RUBCN: variants seen among roughly 807,000 people sequenced by gnomAD.
RUBCN encodes the protein rubicon autophagy regulator.
A neutral mutation model predicts 113.2 loss-of-function variants in RUBCN; 74 were observed. The ratio of observed to expected loss-of-function variants is 0.65; its 90% confidence interval spans 0.54 to 0.79. RUBCN has a LOEUF of 0.79. Ranked by LOEUF, RUBCN falls within the 30% of genes least tolerant of loss-of-function variation. RUBCN has a pLI of 0.00. For missense variants in RUBCN, 1,109 were observed against 1,251.7 expected (o/e 0.89, Z 1.72); for synonymous variants, 480 against 490.0 (o/e 0.98, Z 0.27).
At position 197,676,817 on chromosome 3, in the gene RUBCN, G is replaced by T. The variant is rs148961127; in HGVS notation, c.2646+68C>A. On this transcript the variant is annotated intron_variant, in intron 18 of 19. Transcript: ENST00000296343. Reference sequence around the variant, plus strand: ...CTCAAGCTAAGTGGCAAGAACCCCAGGTCCACCCCCCTCCCTGTATCCCTA... The same window carrying T: ...CTCAAGCTAAGTGGCAAGAACCCCATGTCCACCCCCCTCCCTGTATCCCTA... The T allele has an allele frequency of 1.2e-3, 1,872 of 1,611,256 alleles. 36 individuals are homozygous for T. Among genetic ancestry groups the T allele is most frequent in the Non-Finnish European group, 2.1e-4 (251 of 1,179,814 alleles).
At position 197,674,981 on chromosome 3, in the gene RUBCN, G is replaced by A. The variant is rs376311334; in HGVS notation, c.*37C>T. On this transcript the variant is annotated 3_prime_UTR_variant, in exon 20 of 20. Coordinates refer to ENST00000296343, the MANE Select transcript of RUBCN (RefSeq NM_014687.4). Reference sequence around the variant, plus strand: ...AGAGTGGCTCAGTTCTGCAACAGGTGTGACCCGGCCCGGAGGGAGGGCTGC... The same window carrying A: ...AGAGTGGCTCAGTTCTGCAACAGGTATGACCCGGCCCGGAGGGAGGGCTGC... 51 of 1,601,308 alleles carry A rather than the reference G, an allele frequency of 3.2e-5. 1 individual carries two copies. The African/African-American group carries it at 6.0e-4, about 19-fold the overall frequency.
chr3:197,740,133 G>T (rs1728463776), upstream of RUBCN, among the ~76,000 whole-genome samples: 1 of 152,160 alleles, frequency 6.6e-6, no homozygotes, highest in Non-Finnish European at 1.5e-5. Context: ...TACATGTACT[G>T]GATTTTCTTT....
upstream of RUBCN, chr3:197,737,051 T>G: frequency 1.3e-4 from 78 of 598,186 alleles, no homozygotes; most frequent in East Asian, 3.6e-4. Flanking sequence ...CGCCCTCCAA[T>G]CCCAGGCCGC....
intron 2 of RUBCN, among the ~76,000 whole-genome samples, chr3:197,712,063 T>A (rs144209598): frequency 5.8e-4 from 88 of 152,312 alleles, no homozygotes; most frequent in Non-Finnish European, 1.1e-3. Flanking sequence ...AGGTCTTTTT[T>A]TCATTATTGA....
rs370289616 is a variant in RUBCN, at chr3:197,683,330, G to A, written c.1957C>T (p.Pro653Ser). The change falls in exon 13 of 20, where the codon CCG becomes TCG. Residue 653 changes from proline to serine, a missense_variant. Around this residue, in one of 3 missense-constraint regions of RUBCN, gnomAD observed 67 missense variants for 123.2 expected, o/e 0.54. Transcript: ENST00000296343. This position sits in a 1 kb window ranked among gnomAD's most constrained non-coding sequence, Gnocchi z 4.6. ...ACCTTCTGAGGGGCATCATGCTCCG[G>A]GACAAGCCACTCCAGCTCCGAGGCG... ...PAASELEWLV[P>S]EHDAPQKLLP... The A allele has an allele frequency of 3.1e-6, 5 of 1,614,062 alleles. No individual in the cohort carries two copies. Among genetic ancestry groups the A allele is most frequent in the African/African-American group, 2.7e-5 (2 of 74,934 alleles).
intron 18 of RUBCN, chr3:197,676,600 A>C: frequency 7.7e-7 from 1 of 1,297,482 alleles, no homozygotes; most frequent in Non-Finnish European, 9.9e-7. Context: ...GGCCTAAGCC[A>C]CCGTGCCTGG....
intron 11 of RUBCN, among the ~76,000 whole-genome samples, chr3:197,689,173 C>T (rs1722160917): frequency 6.6e-6 from 1 of 151,758 alleles, no homozygotes; most frequent in African/African-American, 2.4e-5. Context: ...TACAGGCACG[C>T]ACCACCACAC....
At chr3:197,703,182 A>T (rs1000541717) in intron 5 of RUBCN, among the ~76,000 whole-genome samples, 1 of 151,852 alleles carries the variant, frequency 6.6e-6, no homozygotes, top group African/African-American at 2.4e-5. Context: ...GAGGATCACG[A>T]GGTCAGGAGA....
At chr3:197,707,461 A>G (rs914157746) in intron 2 of RUBCN, among the ~76,000 whole-genome samples, 1 of 152,196 alleles carries the variant, frequency 6.6e-6, no homozygotes, top group Non-Finnish European at 1.5e-5. Context: ...TTCAAGAAAT[A>G]TTGTTGAGAA....
At position 197,681,749 on chromosome 3, in the gene RUBCN, C is replaced by T. The variant is rs975738433; in HGVS notation, c.2191+86G>A. 5.7e-6 allele frequency: 7 copies of T among 1,219,404 alleles called. No homozygotes were observed. The highest frequency in any genetic ancestry group is 3.4e-5 in the Admixed American group (2 of 59,260). The allele number at this position is 1,219,404 out of a possible 1,614,324, so 75.5% of individuals were successfully genotyped here. On this transcript the variant is annotated intron_variant, in intron 15 of 19. Transcript: ENST00000296343. This position sits in a 1 kb window ranked among gnomAD's most constrained non-coding sequence, Gnocchi z 5.5. ...ACTTCTGCCACGCCACCTCCTGCTA[C>T]CGCCTTTGACACGCCACCTCTCCCT...
chr3:197,678,372 G>T (rs553661123), intron 16 of RUBCN, among the ~76,000 whole-genome samples: 1 of 150,284 alleles, frequency 6.7e-6, no homozygotes, highest in East Asian at 2.0e-4. Flanking sequence ...ACTGGCTTCA[G>T]ACTGTCCTAC....
chr3:197,681,041 T>TGGGGGGAGGGGACGGGGGAGGGAC lies in RUBCN; in HGVS notation c.2430+64_2430+87dup. On this transcript the variant is annotated intron_variant, in intron 16 of 19. Coordinates refer to ENST00000296343, the MANE Select transcript of RUBCN (RefSeq NM_014687.4). The surrounding 1 kb of genome is among the most constrained non-coding windows in gnomAD (Gnocchi z 5.5). ...GGGGGGAGGGGACAAGAGGAGGGGA[T>TGGGGGGAGGGGACGGGGGAGGGAC]GGGGGGAGGGGACGGGGGAGGGACG... is the stretch of plus-strand genomic sequence containing the variant. 1 of 386,914 alleles carries TGGGGGGAGGGGACGGGGGAGGGAC rather than the reference T, an allele frequency of 2.6e-6. No homozygotes were observed. The highest frequency in any genetic ancestry group is 4.6e-6 in the Non-Finnish European group (1 of 216,268). The allele number at this position is 386,914 out of a possible 1,614,324, so 24.0% of individuals were successfully genotyped here.
At chr3:197,720,993 T>C (rs151001631) in intron 1 of RUBCN, among the ~76,000 whole-genome samples, 1 of 152,142 alleles carries the variant, frequency 6.6e-6, no homozygotes, top group Non-Finnish European at 1.5e-5. Flanking sequence ...TTTTTTTTAA[T>C]GTGCAGCGAT....
In RUBCN at chr3:197,683,392, C is replaced by T. The variant is rs1323481815; in HGVS notation, c.1895G>A (p.Gly632Glu). The change falls in exon 13 of 20, where the codon GGG becomes GAG. Residue 632 changes from glycine to glutamate, a missense_variant. Physicochemically the swap from Gly to Glu is moderately conservative, Grantham distance 98. This residue lies in a region of RUBCN where 67 missense variants were observed against 123.2 expected (regional missense o/e 0.54). Transcript: ENST00000296343. The surrounding 1 kb of genome is among the most constrained non-coding windows in gnomAD (Gnocchi z 4.6). ...HSTSAEAVAMGLLKQFEGMQL... is the reference protein window; with the variant it reads ...HSTSAEAVAMELLKQFEGMQL... Reference sequence around the variant, plus strand: ...CATCCCCTCAAACTGCTTCAGGAGCCCCATGGCCACCGCCTCAGCAGACGT... The same window carrying T: ...CATCCCCTCAAACTGCTTCAGGAGCTCCATGGCCACCGCCTCAGCAGACGT... 1 of 1,614,032 alleles carries T rather than the reference C, an allele frequency of 6.2e-7. No homozygotes were observed.
At position 197,669,009 on chromosome 3, in the gene RUBCN, TAAC is replaced by T. The variant is rs1719568444; in HGVS notation, c.*6006_*6008del. ...GTATGTTTTCCTTATGTATTTTTTC[TAAC>T]CATATTTTTGCATAACTGTAATTAT... On this transcript the variant is annotated 3_prime_UTR_variant, in exon 20 of 20. Coordinates refer to ENST00000296343, the MANE Select transcript of RUBCN (RefSeq NM_014687.4). Among the ~76,000 whole-genome samples the T allele has an allele frequency of 6.6e-6, 1 of 152,242 alleles. No homozygotes were observed. Among genetic ancestry groups the T allele is most frequent in the Non-Finnish European group, 1.5e-5 (1 of 68,042 alleles).
At chr3:197,719,365 C>T (rs1725887186) in intron 1 of RUBCN, among the ~76,000 whole-genome samples, 1 of 151,274 alleles carries the variant, frequency 6.6e-6, no homozygotes. Flanking sequence ...GTAATCCCAG[C>T]TACTCGGGAG....
intron 11 of RUBCN, among the ~76,000 whole-genome samples, chr3:197,690,171 G>A (rs182916997): frequency 4.4e-4 from 67 of 152,312 alleles, no homozygotes; most frequent in African/African-American, 1.5e-3. Flanking sequence ...CTGGCGTGGT[G>A]GCTCACTCCT....
intron 1 of RUBCN, among the ~76,000 whole-genome samples, chr3:197,719,808 A>T (rs1201051269): frequency 6.6e-6 from 1 of 152,200 alleles, no homozygotes; most frequent in Non-Finnish European, 1.5e-5. Context: ...TCACCTTTTT[A>T]AAAAATTTTG....
intron 1 of RUBCN, among the ~76,000 whole-genome samples, chr3:197,735,452 C>T (rs1728013028): frequency 6.6e-6 from 1 of 152,240 alleles, no homozygotes; most frequent in South Asian, 2.1e-4. Context: ...CCTTAAGCCA[C>T]ATTCCTGCTC....
Sources: gnomAD v4.1 joint callset for allele counts (sites outside exome capture counted in the v4.1 genomes callset) on GRCh38, gnomAD v4.1.1 for gene constraint, gnomAD v4.1.1 regional missense constraint, Gnocchi (gnomAD v3.1) non-coding constraint, MANE v1.5 for transcripts, NCBI Gene and HGNC (gene_info 2026-07-23, HGNC 2026-07-21) for gene names.